KBTBD3: variants seen among roughly 807,000 people sequenced by gnomAD.
KBTBD3 encodes the protein kelch repeat and BTB domain-containing protein 3.
A neutral mutation model predicts 49.6 loss-of-function variants in KBTBD3; 38 were observed. The observed-to-expected ratio is 0.77, with a 90% confidence interval of 0.59 to 1.00. The LOEUF (loss-of-function observed/expected upper bound fraction) is 1.00, where lower values mean the gene tolerates loss of function less well. KBTBD3 is among the 50% of genes least tolerant of loss of function. KBTBD3 has a pLI of 0.00. For missense variants in KBTBD3, 661 were observed against 712.0 expected (o/e 0.93, Z 0.81); for synonymous variants, 214 against 250.4 (o/e 0.85, Z 1.37).
rs11226912 is a variant in KBTBD3 at position 106,067,604 on chromosome 11, T to C, written c.-12-8495A>G. On this transcript the variant is annotated intron_variant, in intron 2 of 3. Coordinates refer to ENST00000531837, the MANE Select transcript of KBTBD3 (RefSeq NM_198439.3). ...ACAGCCTGGGAGACAAGAGCAAAAC[T>C]CCGTCAAAAAAAAAAAAGGTCTATT... is the stretch of plus-strand genomic sequence containing the variant. 4.1e-3 allele frequency among the ~76,000 whole-genome samples: 373 copies of C among 90,664 alleles called. 9 individuals carry two copies. In the East Asian group the frequency reaches 0.063, roughly 15 times the overall value. The allele number at this position is 90,664 out of a possible 152,430, so 59.5% of individuals were successfully genotyped here.
At position 106,051,656 on chromosome 11, in the gene KBTBD3, T is replaced by A. The variant is rs1464456544; in HGVS notation, c.*1194A>T. The A allele has an allele frequency of 2.0e-5, 3 of 151,852 alleles. No homozygotes were observed. The highest frequency in any genetic ancestry group is 4.8e-5 in the African/African-American group (2 of 41,408). The allele number at this position is 151,852 out of a possible 1,614,324, so 9.4% of individuals were successfully genotyped here. On this transcript the variant is annotated 3_prime_UTR_variant, in exon 4 of 4. Coordinates refer to ENST00000531837, the MANE Select transcript of KBTBD3 (RefSeq NM_198439.3). ...CTTTTAAACTGATTAAAGAAACATA[T>A]ACTCTTGGAAGGCAGAATCACCTAC...
intron 2 of KBTBD3, among the ~76,000 whole-genome samples, chr11:106,075,249 A>C (rs1157454711): frequency 6.6e-6 from 1 of 152,220 alleles, no homozygotes; most frequent in African/African-American, 2.4e-5. Context: ...TATTTTAATA[A>C]AATTGTTGGG....
intron 3 of KBTBD3, chr11:106,057,860 C>A (rs1359751233): frequency 5.3e-6 from 2 of 378,952 alleles, no homozygotes; most frequent in Middle Eastern, 6.7e-4. Context: ...CGGAAATTTT[C>A]TTTTCTCGCA....
Position 106,053,773 on chromosome 11 carries a change from C to A in KBTBD3, c.916G>T (p.Gly306Ter). 6.2e-7 allele frequency: 1 copy of A among 1,613,822 alleles called. No homozygotes were observed. Among genetic ancestry groups the A allele is most frequent in the Non-Finnish European group, 8.5e-7 (1 of 1,179,888 alleles). Residue 306 changes from glycine (G) to a stop codon, truncating the protein, a stop_gained, in exon 4 of 4, where the codon GGA (glycine) becomes TGA (stop). Transcript: ENST00000531837. LOFTEE classifies it high-confidence loss of function. Reference sequence around the variant, plus strand: ...TAGCAAAATGTATATTGATTTTCTCCATTTTCCTCAGTTTTGTGAATGAAT... The same window carrying A: ...TAGCAAAATGTATATTGATTTTCTCAATTTTCCTCAGTTTTGTGAATGAAT... ...YIFIHKTEEN[G>*]ENQYTFCYNI...
At chr11:106,062,548 G>C (rs2135009264) in intron 2 of KBTBD3, among the ~76,000 whole-genome samples, 1 of 152,262 alleles carries the variant, frequency 6.6e-6, no homozygotes, top group South Asian at 2.1e-4. Flanking sequence ...TCCAATGGCA[G>C]GAAAAGACTG....
intron 2 of KBTBD3, among the ~76,000 whole-genome samples, chr11:106,060,733 C>T (rs547689669): frequency 6.6e-6 from 1 of 152,260 alleles, no homozygotes; most frequent in Non-Finnish European, 1.5e-5. Context: ...TAGGCATGGG[C>T]AAAGACTTCA....
chr11:106,057,131 C>A (rs907151390), intron 3 of KBTBD3, among the ~76,000 whole-genome samples: 3 of 152,070 alleles, frequency 2.0e-5, no homozygotes, highest in Admixed American at 6.6e-5. Flanking sequence ...GCAAGAGCCC[C>A]TACAGGAACA....
intron 2 of KBTBD3, among the ~76,000 whole-genome samples, chr11:106,071,070 T>C (rs913863724): frequency 6.6e-6 from 1 of 152,154 alleles, no homozygotes; most frequent in Admixed American, 6.5e-5. Context: ...TTACAACTTC[T>C]TGTGTAATTA....
At chr11:106,054,635 CAT>C (rs1244416713) in intron 3 of KBTBD3, among the ~76,000 whole-genome samples, 180 bp from the exon 4 acceptor site, 2 of 151,456 alleles carry the variant, frequency 1.3e-5, no homozygotes, top group Non-Finnish European at 2.9e-5. Context: ...TGCCAACAAA[CAT>C]ATTACAAAAT....
chr11:106,068,852 A>C (rs184554309), intron 2 of KBTBD3, among the ~76,000 whole-genome samples: 7 of 152,310 alleles, frequency 4.6e-5, no homozygotes, highest in African/African-American at 1.7e-4. Flanking sequence ...GGAATTATAC[A>C]CTATGGCTAA....
chr11:106,056,789 T>C (rs908755220), intron 3 of KBTBD3, among the ~76,000 whole-genome samples: 1 of 152,272 alleles, frequency 6.6e-6, no homozygotes, highest in Admixed American at 6.5e-5. Context: ...GCATATGTAT[T>C]AAGAGGCCCA....
At chr11:106,060,201 G>C (rs1860658613) in intron 2 of KBTBD3, among the ~76,000 whole-genome samples, 2 of 150,870 alleles carry the variant, frequency 1.3e-5, no homozygotes, top group African/African-American at 2.4e-5. Flanking sequence ...CATTTAAAAA[G>C]AAAAAATTTG....
chr11:106,052,929 C>G lies in KBTBD3; in HGVS notation c.1760G>C (p.Arg587Thr), dbSNP rs1591531969. The G allele has an allele frequency of 9.3e-6, 15 of 1,613,596 alleles. No homozygotes were observed. The East Asian group carries it at 3.3e-4, about 36-fold the overall frequency. Residue 587 changes from arginine to threonine, a missense_variant, in exon 4 of 4, where the codon AGA becomes ACA. Physicochemically the swap from Arg to Thr is moderately conservative, Grantham distance 71. Transcript: ENST00000531837. ...CTGGCAGTAAAATTCTGTTAAGGCT[C>G]TAGGCATTGGTGAAACTTCTTCCCA... is the stretch of plus-strand genomic sequence containing the variant. ...SEWEEVSPMP[R>T]ALTEFYCQVI... is the part of the protein sequence containing the mutation.
At chr11:106,072,737 A>T (rs904379212) in intron 2 of KBTBD3, among the ~76,000 whole-genome samples, 1 of 152,164 alleles carries the variant, frequency 6.6e-6, no homozygotes, top group African/African-American at 2.4e-5. Flanking sequence ...ACTGGGTCCT[A>T]CAGTGATCTT....
rs1193998346 is a variant in KBTBD3, at chr11:106,052,986, T to C, written c.1703A>G (p.Glu568Gly). Residue 568 changes from glutamate (E) to glycine (G), a missense_variant, in exon 4 of 4, where the codon GAA becomes GGA. Physicochemically the swap from Glu to Gly is moderately conservative, Grantham distance 98 (BLOSUM62 -2). Coordinates refer to ENST00000531837, the MANE Select transcript of KBTBD3 (RefSeq NM_198439.3). Reference protein sequence around the residue: ...GDYAPDEITDEVQVYHSNRSE... With the variant: ...GDYAPDEITDGVQVYHSNRSE... ...CCTGTTGCTGTGGTAGACCTGCACT[T>C]CATCTGTGATTTCATCTGGTGCATA... 3 of 1,613,824 alleles carry C rather than the reference T, an allele frequency of 1.9e-6. No individual in the cohort carries two copies. Among genetic ancestry groups the C allele is most frequent in the Non-Finnish European group, 1.7e-6 (2 of 1,179,784 alleles).
chr11:106,066,703 T>C (rs1860815331), intron 2 of KBTBD3, among the ~76,000 whole-genome samples: 2 of 148,726 alleles, frequency 1.3e-5, no homozygotes, highest in Admixed American at 1.4e-4. Context: ...ACATAGTATT[T>C]GATTTGATTC....
At chr11:106,069,077 A>G (rs1860867518) in intron 2 of KBTBD3, among the ~76,000 whole-genome samples, 1 of 152,120 alleles carries the variant, frequency 6.6e-6, no homozygotes, top group African/African-American at 2.4e-5. Flanking sequence ...GTAGAGAAAA[A>G]TCTACAAAAA....
chr11:106,065,405 A>G (rs879828001), intron 2 of KBTBD3, among the ~76,000 whole-genome samples: 1 of 152,194 alleles, frequency 6.6e-6, no homozygotes, highest in Non-Finnish European at 1.5e-5. Context: ...TATAGTGGAA[A>G]ATAGAATTTG....
At chr11:106,056,487 G>A (rs900155436) in intron 3 of KBTBD3, among the ~76,000 whole-genome samples, 6 of 152,178 alleles carry the variant, frequency 3.9e-5, no homozygotes, top group Admixed American at 2.6e-4. Context: ...TATTTTATTA[G>A]CATGAAAACA....
Sources: gnomAD v4.1 joint callset for allele counts (sites outside exome capture counted in the v4.1 genomes callset) on GRCh38, gnomAD v4.1.1 for gene constraint, MANE v1.5 for transcripts, NCBI Gene and HGNC (gene_info 2026-07-23, HGNC 2026-07-21) for gene names.